The following FBXL20 variants were observed in gnomAD, a reference collection of about 807,000 sequenced individuals.
FBXL20 encodes the protein F-box and leucine rich repeat protein 20, also known as F-box/LRR-repeat protein 20.
In FBXL20, 11 loss-of-function variants were observed where a neutral mutation model predicts 64.0. That is an observed-to-expected ratio of 0.17 (90% CI 0.11 to 0.28). The LOEUF (loss-of-function observed/expected upper bound fraction) is 0.28. FBXL20 is among the 10% of genes least tolerant of loss of function. The pLI is 1.00. For synonymous variants in FBXL20, 184 were observed against 189.0 expected (o/e 0.97, Z 0.22); for missense variants, 303 against 526.2 (o/e 0.58, Z 4.15).
chr17:39,366,925 C>G (rs2047865834), intron 1 of FBXL20, among the ~76,000 whole-genome samples: 1 of 151,170 alleles, frequency 6.6e-6, no homozygotes, highest in Non-Finnish European at 1.5e-5. Flanking sequence ...GCTCTGTCAG[C>G]CAGGCTGGAG....
chr17:39,389,098 C>T (rs1337496220), intron 1 of FBXL20, among the ~76,000 whole-genome samples: 1 of 107,836 alleles, frequency 9.3e-6, no homozygotes, highest in African/African-American at 4.2e-5. Context: ...GAGCAAAACT[C>T]CATCTCAAAA....
At chr17:39,300,571 T>C (rs1567870011) in intron 4 of FBXL20, among the ~76,000 whole-genome samples, 2 of 152,258 alleles carry the variant, frequency 1.3e-5, no homozygotes, top group East Asian at 3.9e-4. Context: ...CATTCAACCT[T>C]CGTTCTCCAC....
chr17:39,285,434 T>A lies in FBXL20; in HGVS notation c.494+44A>T, dbSNP rs534577483. 9 of 1,304,276 alleles carry A rather than the reference T, an allele frequency of 6.9e-6. No individual in the cohort carries two copies. In the East Asian group the frequency reaches 2.2e-4, roughly 32 times the overall value. 80.8% of individuals were successfully genotyped at this position (1,304,276 alleles called of 1,614,324 possible). ...ATATCAATTATTTTTTTAAAATATGTATTTTTTTTTGATTACTTGACATGC... is the reference window on the plus strand; with the variant it reads ...ATATCAATTATTTTTTTAAAATATGAATTTTTTTTTGATTACTTGACATGC... On this transcript the variant is annotated intron_variant, in intron 7 of 14. Transcript: ENST00000264658.
intron 1 of FBXL20, among the ~76,000 whole-genome samples, chr17:39,365,299 AC>A (rs1337536807): frequency 6.6e-6 from 1 of 152,194 alleles, no homozygotes; most frequent in Non-Finnish European, 1.5e-5. Context: ...AAAAGGAAAA[AC>A]ATTTTTGTTT....
intron 6 of FBXL20, among the ~76,000 whole-genome samples, chr17:39,293,858 A>C (rs556671965): frequency 1.7e-4 from 25 of 147,086 alleles, no homozygotes; most frequent in Admixed American, 1.4e-3. Context: ...CTTCCTCTTT[A>C]TCAGCCACAA....
intron 1 of FBXL20, among the ~76,000 whole-genome samples, chr17:39,362,977 A>T (rs147705103): frequency 6.9e-4 from 105 of 151,792 alleles, no homozygotes; most frequent in African/African-American, 2.4e-3. Context: ...TGTCCTTTAC[A>T]TCCCTTTCCT....
At chr17:39,397,106 A>T (rs189701784) in intron 1 of FBXL20, among the ~76,000 whole-genome samples, 68 of 152,264 alleles carry the variant, frequency 4.5e-4, no homozygotes, top group African/African-American at 1.5e-3. Context: ...GGGTTTCACC[A>T]TGTTGGCCAG....
chr17:39,398,040 C>CGGGG (rs56842905), intron 1 of FBXL20, among the ~76,000 whole-genome samples: 1 of 56,702 alleles, frequency 1.8e-5, no homozygotes, highest in Non-Finnish European at 4.0e-5. Flanking sequence ...GGCCGGCGGG[C>CGGGG]GGGGGGGGGG....
At chr17:39,281,974 G>A (rs1178015696) in intron 8 of FBXL20, among the ~76,000 whole-genome samples, 2 of 152,124 alleles carry the variant, frequency 1.3e-5, no homozygotes, top group Non-Finnish European at 2.9e-5. Flanking sequence ...GTATTTTTCA[G>A]GATTCCTTAA....
At chr17:39,394,269 T>C (rs980102387) in intron 1 of FBXL20, among the ~76,000 whole-genome samples, 10 of 150,178 alleles carry the variant, frequency 6.7e-5, no homozygotes, top group African/African-American at 1.2e-4. Flanking sequence ...ACTAGTTAGA[T>C]TACTGAAACT....
intron 2 of FBXL20, among the ~76,000 whole-genome samples, chr17:39,315,449 T>C (rs1322110513): frequency 2.7e-5 from 4 of 148,346 alleles, no homozygotes; most frequent in African/African-American, 1.0e-4. Context: ...GTACACGTTT[T>C]CTTCCTCTTC....
chr17:39,364,328 T>TGGGG (rs1378544576), intron 1 of FBXL20, among the ~76,000 whole-genome samples: 1 of 152,108 alleles, frequency 6.6e-6, no homozygotes, highest in African/African-American at 2.4e-5. Context: ...AAGAATGTGG[T>TGGGG]GGGGCTGGGT....
At chr17:39,309,125 G>C (rs1412570559) in intron 2 of FBXL20, among the ~76,000 whole-genome samples, 1 of 152,098 alleles carries the variant, frequency 6.6e-6, no homozygotes, top group African/African-American at 2.4e-5. Flanking sequence ...TGCACTTTAT[G>C]CAAATAATCA....
intron 12 of FBXL20, among the ~76,000 whole-genome samples, chr17:39,266,373 C>A (rs575693615): frequency 6.6e-6 from 1 of 152,082 alleles, no homozygotes; most frequent in Non-Finnish European, 1.5e-5. Context: ...GCATGTGCTA[C>A]CACGTCCAGC....
In FBXL20 at chr17:39,253,987, G is replaced by A. The variant is rs753493132; in HGVS notation, c.*7473C>T. On this transcript the variant is annotated 3_prime_UTR_variant, in exon 15 of 15. Transcript: ENST00000264658. ...AAGGCCTGAGAAGGTTCAGGCTAAG[G>A]TAAGAAACATATATGTGTGAGCAGC... 1 of 152,240 alleles carries A rather than the reference G, an allele frequency of 6.6e-6. No homozygotes were observed. Among genetic ancestry groups the A allele is most frequent in the Non-Finnish European group, 1.5e-5 (1 of 68,026 alleles). 9.4% of individuals were successfully genotyped at this position (152,240 alleles called of 1,614,324 possible).
chr17:39,272,480 C>T (rs185757361), intron 10 of FBXL20, among the ~76,000 whole-genome samples: 1 of 151,170 alleles, frequency 6.6e-6, no homozygotes, highest in Admixed American at 6.6e-5. Flanking sequence ...GGGCAGATCA[C>T]CTGAGGCCAG....
chr17:39,387,040 G>T (rs1355298012), intron 1 of FBXL20, among the ~76,000 whole-genome samples: 1 of 152,182 alleles, frequency 6.6e-6, no homozygotes, highest in Non-Finnish European at 1.5e-5. Flanking sequence ...AAGATTTTTT[G>T]ACGTTACAAT....
chr17:39,274,715 A>G (rs2046874949), intron 10 of FBXL20, among the ~76,000 whole-genome samples: 1 of 152,238 alleles, frequency 6.6e-6, no homozygotes, highest in Admixed American at 6.5e-5. Context: ...TATCTCAAGT[A>G]ATAAAATGTT....
chr17:39,271,852 G>A (rs2046846950), intron 10 of FBXL20, among the ~76,000 whole-genome samples: 1 of 152,096 alleles, frequency 6.6e-6, no homozygotes, highest in African/African-American at 2.4e-5. Context: ...GGTGACCTCT[G>A]TAAAATGGTA....
Sources: allele counts gnomAD v4.1 joint callset (sites outside exome capture counted in the v4.1 genomes callset), GRCh38; gene constraint gnomAD v4.1.1; transcripts MANE v1.5; gene names NCBI Gene and HGNC (gene_info 2026-07-23, HGNC 2026-07-21).